The following BTAF1 variants were observed in gnomAD, a reference collection of about 807,000 sequenced individuals.
BTAF1 encodes the protein TATA-binding protein-associated factor 172.
BTAF1 carries 38 observed loss-of-function variants against 227.1 expected under a neutral mutation model. That is an observed-to-expected ratio of 0.17 (90% confidence interval 0.13 to 0.22). The LOEUF (loss-of-function observed/expected upper bound fraction) is 0.22. Ranked by LOEUF, BTAF1 falls within the 10% of genes least tolerant of loss-of-function variation. The probability of loss-of-function intolerance (pLI) is 1.00; values close to 1 mark genes in which losing one functional copy is unlikely to be tolerated. For missense variants in BTAF1, 1,598 were observed against 2,204.0 expected (o/e 0.73, Z 5.51); for synonymous variants, 742 against 751.9 (o/e 0.99, Z 0.21).
intron 1 of BTAF1, among the ~76,000 whole-genome samples, chr10:91,927,908 A>G (rs1159456889): frequency 6.7e-6 from 1 of 150,054 alleles, no homozygotes; most frequent in Non-Finnish European, 1.5e-5. Flanking sequence ...GTATGATTTT[A>G]CCGTAATTTG....
In BTAF1 at chr10:92,028,830, A is replaced by G; in HGVS notation, c.5447A>G (p.Lys1816Arg). Residue 1816 changes from lysine (K) to arginine (R), a missense_variant, in exon 38 of 38, where the codon AAA (lysine) becomes AGA (arginine). Physicochemically the swap from Lys to Arg is conservative, Grantham distance 26. This residue lies in a region of BTAF1 where 79 missense variants were observed against 97.9 expected (regional missense o/e 0.81). Coordinates refer to ENST00000265990, the MANE Select transcript of BTAF1 (RefSeq NM_003972.3). ...AEKADTSTSG[K>R]ASMKSILENL... ...AAAGCTGACACCTCTACTTCTGGGA[A>G]AGCAAGTATGAAATCAATTCTTGAA... 1 of 1,609,528 alleles carries G rather than the reference A, an allele frequency of 6.2e-7. No individual in the cohort carries two copies. The highest frequency in any genetic ancestry group is 1.3e-5 in the African/African-American group (1 of 74,784).
At chr10:92,002,822 A>AT (rs540780628) in intron 25 of BTAF1, among the ~76,000 whole-genome samples, 483 of 152,192 alleles carry the variant, frequency 3.2e-3, no homozygotes, top group Middle Eastern at 0.01. Flanking sequence ...TAGTTCTCAA[A>AT]TTTTTTGGTC....
intron 2 of BTAF1, among the ~76,000 whole-genome samples, chr10:91,937,012 C>CT (rs373795380): frequency 0.28 from 39,728 of 143,070 alleles, 6,523 homozygotes; most frequent in Non-Finnish European, 0.38. Context: ...GTTTTGTTTT[C>CT]TTTTTTTTTT....
intron 25 of BTAF1, among the ~76,000 whole-genome samples, chr10:92,004,872 A>G (rs900480635): frequency 1.3e-5 from 2 of 152,076 alleles, no homozygotes; most frequent in Admixed American, 1.3e-4. Flanking sequence ...CAGTAATTTT[A>G]TAGTTTCCAG....
At chr10:91,981,598 T>C (rs557942796) in intron 15 of BTAF1, 45 bp from the exon 16 acceptor site, 2 of 1,538,142 alleles carry the variant, frequency 1.3e-6, no homozygotes, top group African/African-American at 2.8e-5. Context: ...AGAGTTTATT[T>C]TTATTAGAAA....
intron 34 of BTAF1, among the ~76,000 whole-genome samples, chr10:92,021,409 G>A (rs1348745913): frequency 1.3e-5 from 2 of 152,150 alleles, no homozygotes; most frequent in African/African-American, 4.8e-5. Flanking sequence ...CTATAAGAAC[G>A]GTGTGAATTA....
At chr10:91,931,013 A>G (rs1464859406) in intron 1 of BTAF1, among the ~76,000 whole-genome samples, 1 of 152,152 alleles carries the variant, frequency 6.6e-6, no homozygotes, top group East Asian at 1.9e-4. Flanking sequence ...GAAATACAGT[A>G]TGTATTTGTT....
chr10:92,008,026 G>A, intron 25 of BTAF1, 97 bp from the exon 26 acceptor site: 3 of 1,165,012 alleles, frequency 2.6e-6, no homozygotes, highest in Non-Finnish European at 3.7e-6. Context: ...ACAATTTTCA[G>A]AATTCTTTTT....
chr10:91,982,418 C>G, intron 17 of BTAF1, 169 bp from the exon 18 acceptor site: 6 of 1,059,792 alleles, frequency 5.7e-6, no homozygotes, highest in Non-Finnish European at 7.9e-6. Context: ...GGATTTATAT[C>G]TTCTTATGAA....
intron 1 of BTAF1, among the ~76,000 whole-genome samples, chr10:91,928,955 T>C (rs73312364): frequency 0.012 from 1,776 of 152,158 alleles, 33 homozygotes; most frequent in African/African-American, 0.04. Flanking sequence ...GGACCACAGA[T>C]GCATACCACC....
intron 4 of BTAF1, among the ~76,000 whole-genome samples, chr10:91,947,735 C>CAA (rs34292341): frequency 0.056 from 5,912 of 106,200 alleles, 527 homozygotes; most frequent in Non-Finnish European, 0.075. Context: ...TCAATGTTTG[C>CAA]AAAAAAAAAA....
chr10:91,982,193 T>C lies in BTAF1; in HGVS notation c.2016T>C (p.Phe672=). ...TGGAAGACCCAGCCACCAGGGATTT[T>C]GTAGTTATGCGGGCCAGAATGATGG... ...TIMEDPATRD[F]VVMRARMMAA... Residue 672 remains phenylalanine, a synonymous_variant, in exon 17 of 38, where the codon TTT becomes TTC. Transcript: ENST00000265990. The C allele has an allele frequency of 8.1e-6, 13 of 1,613,962 alleles. No individual in the cohort carries two copies. Among genetic ancestry groups the C allele is most frequent in the Non-Finnish European group, 1.1e-5 (13 of 1,179,890 alleles).
At chr10:91,963,374 G>A (rs1304165197) in intron 12 of BTAF1, among the ~76,000 whole-genome samples, 1 of 150,638 alleles carries the variant, frequency 6.6e-6, no homozygotes, top group Admixed American at 6.6e-5. Flanking sequence ...AGCCAAGATC[G>A]CGCCACTGCA....
chr10:91,990,350 A>AC lies in BTAF1; in HGVS notation c.2854+776dup, dbSNP rs1385418689. On this transcript the variant is annotated intron_variant, in intron 20 of 37. Coordinates refer to ENST00000265990, the MANE Select transcript of BTAF1 (RefSeq NM_003972.3). The stretch of plus-strand genomic sequence containing the variant: ...CATTGGGGTCATTCTCCCCCCTCTT[A>AC]CCCCCCTGGTCCATTGCTATATAAG... Among the ~76,000 whole-genome samples the AC allele has an allele frequency of 2.6e-5, 4 of 150,954 alleles. No individual in the cohort carries two copies. The South Asian group carries it at 8.4e-4, about 32-fold the overall frequency.
chr10:91,962,757 G>T lies in BTAF1; in HGVS notation c.1404+79G>T. 6 of 1,312,570 alleles carry T rather than the reference G, an allele frequency of 4.6e-6. No homozygotes were observed. The South Asian group carries it at 5.2e-5, about 11-fold the overall frequency. 81.3% of individuals were successfully genotyped at this position (1,312,570 alleles called of 1,614,324 possible). ...TATGGAGTATTAGAAAATACATTGT[G>T]TACATTTTTCTCCTTCATCTTCAAT... is the stretch of plus-strand genomic sequence containing the variant. On this transcript the variant is annotated intron_variant, in intron 12 of 37. Coordinates refer to ENST00000265990, the MANE Select transcript of BTAF1 (RefSeq NM_003972.3).
rs1383822532 is a variant in BTAF1, at chr10:91,951,372, TGGAG to T, written c.401-30_401-27del. On this transcript the variant is annotated intron_variant, in intron 4 of 37. Coordinates refer to ENST00000265990, the MANE Select transcript of BTAF1 (RefSeq NM_003972.3). Reference sequence around the variant, plus strand: ...GTATTAGAAAACTTCTTAACTGATTTGGAGAAAACGTATTTCTTTTCTGTTGAAA... The same window carrying T: ...GTATTAGAAAACTTCTTAACTGATTTAAAACGTATTTCTTTTCTGTTGAAA... 8.8e-6 allele frequency: 14 copies of T among 1,593,322 alleles called. No homozygotes were observed. The African/African-American group carries it at 1.8e-4, about 20-fold the overall frequency.
chr10:91,975,089 T>A (rs1041848002), intron 14 of BTAF1, among the ~76,000 whole-genome samples: 18 of 152,236 alleles, frequency 1.2e-4, no homozygotes, highest in Non-Finnish European at 2.9e-5. Context: ...CTGGTAACTG[T>A]TGTTGCCAGA....
chr10:91,927,058 AC>A (rs2133752019), intron 1 of BTAF1, among the ~76,000 whole-genome samples: 2 of 150,340 alleles, frequency 1.3e-5, no homozygotes, highest in South Asian at 4.2e-4. Context: ...TCATTTTGTT[AC>A]CCCCTACTGT....
intron 1 of BTAF1, among the ~76,000 whole-genome samples, chr10:91,929,317 G>A (rs373827892): frequency 1.3e-5 from 2 of 152,138 alleles, no homozygotes; most frequent in Non-Finnish European, 2.9e-5. Flanking sequence ...TTCCCTCAGC[G>A]ATCTGTGCTG....
Sources: allele counts gnomAD v4.1 joint callset (sites outside exome capture counted in the v4.1 genomes callset), GRCh38; gene constraint gnomAD v4.1.1; regional missense constraint gnomAD v4.1.1; transcripts MANE v1.5; gene names NCBI Gene and HGNC (gene_info 2026-07-23, HGNC 2026-07-21).